Variants in GRM7 observed in about 807,000 individuals in gnomAD.
GRM7 encodes metabotropic glutamate receptor 7.
A neutral mutation model predicts 84.5 loss-of-function variants in GRM7; 35 were observed. That is an observed-to-expected ratio of 0.41 (90% confidence interval 0.32 to 0.55). The LOEUF (loss-of-function observed/expected upper bound fraction) is 0.55, where lower values mean the gene tolerates loss of function less well. Among genes scored for constraint, GRM7 ranks in the 20% least tolerant of loss-of-function variants. The pLI is 0.19. For synonymous variants in GRM7, 487 were observed against 455.1 expected (o/e 1.07, Z -0.89); for missense variants, 1,003 against 1,194.6 (o/e 0.84, Z 2.36).
At chr3:7,144,287 G>A (rs1032100949) in intron 1 of GRM7, among the ~76,000 whole-genome samples, 1 of 152,140 alleles carries the variant, frequency 6.6e-6, no homozygotes, top group Non-Finnish European at 1.5e-5. Context: ...TGTAAAACAA[G>A]TTAATAATAC....
At chr3:7,278,902 G>A (rs1246791882) in intron 2 of GRM7, among the ~76,000 whole-genome samples, 2 of 152,144 alleles carry the variant, frequency 1.3e-5, no homozygotes, top group Non-Finnish European at 2.9e-5. Flanking sequence ...TTTTTGGTAG[G>A]TTGGAGATTA....
chr3:7,229,540 A>T (rs1253094615), intron 2 of GRM7, among the ~76,000 whole-genome samples: 1 of 150,918 alleles, frequency 6.6e-6, no homozygotes, highest in African/African-American at 2.4e-5. Context: ...TGATTTTTCC[A>T]TTATTTGTTT....
chr3:7,117,873 C>T (rs1268809808), intron 1 of GRM7, among the ~76,000 whole-genome samples: 1 of 152,098 alleles, frequency 6.6e-6, no homozygotes, highest in Non-Finnish European at 1.5e-5. Context: ...GAATGCTTCC[C>T]TTGTTTTCTT....
chr3:7,016,649 G>C (rs952059995), intron 1 of GRM7, among the ~76,000 whole-genome samples: 8 of 152,160 alleles, frequency 5.3e-5, no homozygotes, highest in African/African-American at 1.9e-4. Context: ...AGTTGGGCCA[G>C]TTTTAAAAGT....
At chr3:7,474,076 G>T (rs1187307910) in intron 7 of GRM7, among the ~76,000 whole-genome samples, 1 of 152,106 alleles carries the variant, frequency 6.6e-6, no homozygotes, top group African/African-American at 2.4e-5. Context: ...CTAGTGAGGG[G>T]CTGTTTGGTG....
chr3:6,961,777 A>G (rs925011750), intron 1 of GRM7, among the ~76,000 whole-genome samples: 1 of 151,246 alleles, frequency 6.6e-6, no homozygotes, highest in Admixed American at 6.6e-5. Context: ...TGTCCTGTAG[A>G]CCCTCCCTTC....
chr3:7,023,391 C>T (rs1385600160), intron 1 of GRM7, among the ~76,000 whole-genome samples: 1 of 152,034 alleles, frequency 6.6e-6, no homozygotes, highest in Non-Finnish European at 1.5e-5. Flanking sequence ...AGAAAGGGAC[C>T]TTGGTTCTGA....
intron 1 of GRM7, among the ~76,000 whole-genome samples, chr3:6,892,276 A>C (rs1695987602): frequency 6.6e-6 from 1 of 152,126 alleles, no homozygotes; most frequent in Non-Finnish European, 1.5e-5. Flanking sequence ...AAGCCCTTCC[A>C]GGAGTAATTG....
chr3:7,721,085 G>GC (rs1199194889), intron 9 of GRM7, among the ~76,000 whole-genome samples: 1 of 152,206 alleles, frequency 6.6e-6, no homozygotes, highest in Non-Finnish European at 1.5e-5. Context: ...TACATTCAGA[G>GC]CACAAGTGTT....
intron 2 of GRM7, among the ~76,000 whole-genome samples, chr3:7,292,309 C>T (rs186908326): frequency 1.7e-4 from 26 of 152,268 alleles, no homozygotes; most frequent in African/African-American, 3.6e-4. Context: ...TCTAACAAGA[C>T]GTGTTGTATG....
At chr3:7,064,323 G>T (rs1697546792) in intron 1 of GRM7, among the ~76,000 whole-genome samples, 1 of 150,528 alleles carries the variant, frequency 6.6e-6, no homozygotes, top group Admixed American at 6.7e-5. Context: ...ATATCAGTGA[G>T]AACATATGAC....
intron 7 of GRM7, among the ~76,000 whole-genome samples, chr3:7,572,118 C>G (rs923955697): frequency 6.6e-6 from 1 of 152,154 alleles, no homozygotes; most frequent in Non-Finnish European, 1.5e-5. Context: ...GGTGGAGAGA[C>G]AATCAGACCA....
chr3:7,622,315 G>T (rs1051164432), intron 8 of GRM7, among the ~76,000 whole-genome samples: 5 of 152,088 alleles, frequency 3.3e-5, no homozygotes, highest in Admixed American at 1.3e-4. Context: ...TCTCTATGTT[G>T]TGATGCCTTT....
chr3:7,146,646 C>T lies in GRM7; in HGVS notation c.714C>T (p.Phe238=). 6.2e-7 allele frequency: 1 copy of T among 1,613,054 alleles called. No individual in the cohort carries two copies. The highest frequency in any genetic ancestry group is 8.5e-7 in the Non-Finnish European group (1 of 1,179,640). ...GSYGEKGVES[F]TQISKEAGGL... is the part of the protein sequence containing the mutation. ...ATGGAGAGAAAGGTGTGGAGTCCTT[C>T]ACGCAGATTTCCAAAGAGGCAGGTA... Residue 238 remains phenylalanine (F), a synonymous_variant, in exon 2 of 10, where the codon TTC becomes TTT. Coordinates refer to ENST00000357716, the MANE Select transcript of GRM7 (RefSeq NM_000844.4).
chr3:7,046,833 T>C (rs1339077098), intron 1 of GRM7, among the ~76,000 whole-genome samples: 2 of 152,040 alleles, frequency 1.3e-5, no homozygotes, highest in Admixed American at 1.3e-4. Flanking sequence ...CCACAAAGTA[T>C]TGCATTTTTG....
At chr3:7,678,561 G>T (rs754022652) in intron 8 of GRM7, among the ~76,000 whole-genome samples, 1 of 152,210 alleles carries the variant, frequency 6.6e-6, no homozygotes, top group Non-Finnish European at 1.5e-5. Context: ...AGGTATGCTA[G>T]TAGGGAAATA....
At chr3:7,196,352 G>C (rs569469183) in intron 2 of GRM7, among the ~76,000 whole-genome samples, 2 of 152,150 alleles carry the variant, frequency 1.3e-5, no homozygotes, top group East Asian at 3.9e-4. Context: ...AAAACATCTA[G>C]AGTAATATTT....
chr3:7,656,160 T>C (rs887889278), intron 8 of GRM7, among the ~76,000 whole-genome samples: 3 of 152,086 alleles, frequency 2.0e-5, no homozygotes, highest in Non-Finnish European at 4.4e-5. Context: ...ATCCTGTCCA[T>C]AAATCAAAAC....
chr3:7,119,589 C>T (rs11710715), intron 1 of GRM7, among the ~76,000 whole-genome samples: 85,104 of 151,970 alleles, frequency 0.56, 26,478 homozygotes, highest in African/African-American at 0.85. Context: ...TGAGTACTTT[C>T]AATGAATCAT....
Sources: allele counts gnomAD v4.1 joint callset (sites outside exome capture counted in the v4.1 genomes callset), GRCh38; gene constraint gnomAD v4.1.1; transcripts MANE v1.5; gene names NCBI Gene and HGNC (gene_info 2026-07-23, HGNC 2026-07-21).